The following MYO1B variants were observed in gnomAD, a reference collection of about 807,000 sequenced individuals.
MYO1B encodes myosin IB, also known as unconventional myosin-Ib.
MYO1B carries 72 observed loss-of-function variants against 159.7 expected under a neutral mutation model. The ratio of observed to expected loss-of-function variants is 0.45; its 90% CI spans 0.37 to 0.55. The LOEUF (loss-of-function observed/expected upper bound fraction) is 0.55. MYO1B is among the 20% of genes least tolerant of loss of function. MYO1B has a pLI of 0.00. For missense variants in MYO1B, 1,062 were observed against 1,364.8 expected, an observed-to-expected ratio of 0.78 and a Z score of 3.50; for synonymous variants, 468 against 473.8, an observed-to-expected ratio of 0.99 and a Z score of 0.16.
chr2:191,403,529 ATTG>A (rs1414640189), intron 24 of MYO1B, among the ~76,000 whole-genome samples: 3 of 152,142 alleles, frequency 2.0e-5, no homozygotes, highest in African/African-American at 7.2e-5. Flanking sequence ...ATTCCTTATC[ATTG>A]TTTTTACTTT....
intron 1 of MYO1B, among the ~76,000 whole-genome samples, chr2:191,267,751 A>G (rs1258092229): frequency 6.6e-6 from 1 of 152,134 alleles, no homozygotes; most frequent in African/African-American, 2.4e-5. Context: ...GTCCTATAGA[A>G]TCCAGTTTTC....
At chr2:191,250,262 T>C (rs1686030591) in intron 1 of MYO1B, among the ~76,000 whole-genome samples, 1 of 152,224 alleles carries the variant, frequency 6.6e-6, no homozygotes, top group Admixed American at 6.5e-5. Context: ...GGAAGAAAAC[T>C]GAACACAGGT....
chr2:191,290,285 G>A (rs1341684158), intron 2 of MYO1B, among the ~76,000 whole-genome samples: 1 of 152,080 alleles, frequency 6.6e-6, no homozygotes, highest in East Asian at 1.9e-4. Context: ...TTCTCTGCTT[G>A]CAGAGGGAGT....
At chr2:191,260,254 C>CATTTTTTTTTTTTTTTTTTTTT (rs1686717281) in intron 1 of MYO1B, among the ~76,000 whole-genome samples, 1 of 60,962 alleles carries the variant, frequency 1.6e-5, no homozygotes, top group Non-Finnish European at 4.0e-5. Context: ...CCCAGATAGG[C>CATTTTTTTTTTTTTTTTTTTTT]TTTTTTTTTT....
chr2:191,409,231 GT>G, intron 26 of MYO1B, 53 bp downstream of exon 26: 2 of 1,547,868 alleles, frequency 1.3e-6, no homozygotes, highest in South Asian at 1.2e-5. Flanking sequence ...TATTTTGAGT[GT>G]TTAAAAACAC....
chr2:191,328,684 C>T (rs917206190), intron 3 of MYO1B, among the ~76,000 whole-genome samples: 8 of 152,228 alleles, frequency 5.3e-5, no homozygotes, highest in Admixed American at 2.0e-4. Context: ...GCCTATCTCT[C>T]TCCGCAGCTC....
intron 9 of MYO1B, among the ~76,000 whole-genome samples, chr2:191,362,970 T>C (rs567841286): frequency 1.3e-5 from 2 of 152,324 alleles, no homozygotes; most frequent in South Asian, 4.1e-4. Flanking sequence ...ATCTGTTAAT[T>C]GTTGAGGGTG....
chr2:191,365,647 A>G (rs963380553), intron 11 of MYO1B, among the ~76,000 whole-genome samples: 1 of 152,174 alleles, frequency 6.6e-6, no homozygotes, highest in African/African-American at 2.4e-5. Flanking sequence ...AAGCCCACAC[A>G]TAGGCCCTGA....
At chr2:191,266,910 C>G (rs1234115596) in intron 1 of MYO1B, among the ~76,000 whole-genome samples, 1 of 152,174 alleles carries the variant, frequency 6.6e-6, no homozygotes, top group Non-Finnish European at 1.5e-5. Context: ...TTTTTTCCCT[C>G]TCGTCAGTTT....
chr2:191,394,821 T>C (rs1253932234), intron 20 of MYO1B, among the ~76,000 whole-genome samples: 2 of 152,260 alleles, frequency 1.3e-5, no homozygotes, highest in African/African-American at 4.8e-5. Flanking sequence ...GATTTATCAT[T>C]AGTTCATGAT....
intron 11 of MYO1B, among the ~76,000 whole-genome samples, chr2:191,368,982 T>A (rs1360751985): frequency 4.6e-5 from 7 of 151,892 alleles, no homozygotes; most frequent in Non-Finnish European, 1.0e-4. Flanking sequence ...TCCAAAAAAA[T>A]TTAAAAATAA....
At position 191,390,316 on chromosome 2, in the gene MYO1B, A is replaced by G; in HGVS notation, c.1806A>G (p.Lys602=). The G allele has an allele frequency of 6.2e-7, 1 of 1,613,770 alleles. No homozygotes were observed. The highest frequency in any genetic ancestry group is 8.5e-7 in the Non-Finnish European group (1 of 1,179,638). The change falls in exon 18 of 31, where the codon AAA becomes AAG. Residue 602 remains lysine, a synonymous_variant. Transcript: ENST00000392318. ...GGTGTATCAAACCGAATGATAAAAA[A>G]GCAGCACACATCTTCAACGAGGCTC... The part of the protein sequence containing the change: ...YIRCIKPNDK[K]AAHIFNEALV...
intron 29 of MYO1B, among the ~76,000 whole-genome samples, chr2:191,415,288 CAT>C: frequency 6.6e-6 from 1 of 152,310 alleles, no homozygotes; most frequent in East Asian, 1.9e-4. Flanking sequence ...TCACATAACA[CAT>C]AGTCACTGAA....
chr2:191,255,244 A>G (rs10171710), intron 1 of MYO1B, among the ~76,000 whole-genome samples: 4,608 of 152,276 alleles, frequency 0.03, 214 homozygotes, highest in African/African-American at 0.1. Context: ...TGAATCTTTA[A>G]TGTTGAACAA....
At chr2:191,366,523 C>T (rs970549622) in intron 11 of MYO1B, among the ~76,000 whole-genome samples, 5 of 152,058 alleles carry the variant, frequency 3.3e-5, no homozygotes, top group Non-Finnish European at 7.4e-5. Flanking sequence ...CCAGCATCAT[C>T]TTTATTGCCC....
chr2:191,387,168 G>A, intron 16 of MYO1B, 56 bp from the exon 17 acceptor site: 1 of 1,518,542 alleles, frequency 6.6e-7, no homozygotes, highest in East Asian at 2.3e-5. Flanking sequence ...TTTAATAGTT[G>A]TTTGACATTA....
At chr2:191,374,086 A>T (rs1393000354) in intron 13 of MYO1B, among the ~76,000 whole-genome samples, 1 of 152,166 alleles carries the variant, frequency 6.6e-6, no homozygotes, top group African/African-American at 2.4e-5. Flanking sequence ...AATTATTCAC[A>T]TACATTCCCA....
intron 7 of MYO1B, among the ~76,000 whole-genome samples, chr2:191,355,201 T>C (rs1021315231): frequency 1.3e-4 from 20 of 152,200 alleles, no homozygotes; most frequent in East Asian, 7.7e-4. Flanking sequence ...GAGGACATCT[T>C]AGCCCAGACG....
In MYO1B at chr2:191,275,976, A is replaced by G. The variant is rs571794846; in HGVS notation, c.-9-911A>G. Among the ~76,000 whole-genome samples, 9 of 152,372 alleles carry G rather than the reference A, an allele frequency of 5.9e-5. No homozygotes were observed. In the South Asian group the frequency reaches 1.7e-3, roughly 28 times the overall value. The stretch of plus-strand genomic sequence containing the variant: ...TACCATTCTGCTGTTGGGTGGCACC[A>G]TGCACATTAGTAGCAGGGTAGAATG... On this transcript the variant is annotated intron_variant, in intron 1 of 30. Transcript: ENST00000392318.
Sources: gnomAD v4.1 joint callset for allele counts (sites outside exome capture counted in the v4.1 genomes callset) on GRCh38, gnomAD v4.1.1 for gene constraint, MANE v1.5 for transcripts, NCBI Gene and HGNC (gene_info 2026-07-23, HGNC 2026-07-21) for gene names.